Variants in SCN10A observed in about 807,000 individuals in gnomAD.
SCN10A encodes sodium channel protein type 10 subunit alpha.
In SCN10A, 162 loss-of-function variants were observed where a neutral mutation model predicts 170.7. That is an observed-to-expected ratio of 0.95 (90% CI 0.84 to 1.08). The LOEUF is 1.08. SCN10A is among the 50% of genes least tolerant of loss of function. SCN10A has a pLI of 0.00. For synonymous variants in SCN10A, 985 were observed against 904.6 expected (o/e 1.09, Z -1.59); for missense variants, 2,527 against 2,436.9 (o/e 1.04, Z -0.78).
chr3:38,704,978 T>G (rs574313734), intron 26 of SCN10A, among the ~76,000 whole-genome samples: 2 of 152,332 alleles, frequency 1.3e-5, no homozygotes, highest in African/African-American at 4.8e-5. Flanking sequence ...ATTTCTTTCT[T>G]GGTTCTAGAC....
intron 5 of SCN10A, 28 bp from the exon 6 acceptor site, chr3:38,763,624 T>G: frequency 6.4e-7 from 1 of 1,568,052 alleles, no homozygotes; most frequent in South Asian, 1.1e-5. Flanking sequence ...AGTCAGCATC[T>G]CTGCAAGCAA....
At position 38,698,420 on chromosome 3, in the gene SCN10A, G is replaced by A. The variant is rs1484626821; in HGVS notation, c.4800C>T (p.Leu1600=). The A allele has an allele frequency of 1.9e-6, 3 of 1,614,120 alleles. No homozygotes were observed. The highest frequency in any genetic ancestry group is 2.5e-6 in the Non-Finnish European group (3 of 1,180,050). The change falls in exon 28 of 28, where the codon CTC becomes CTT. Residue 1600 remains leucine (L), a synonymous_variant. Transcript: ENST00000449082. ...TGAAGAGGGCAGGCAGGGACATCAT[G>A]AGGGCAAAGAGCAGTGTGCGGATCC... is the stretch of plus-strand genomic sequence containing the variant. The part of the protein sequence containing the change: ...AKGIRTLLFA[L]MMSLPALFNI...
At chr3:38,771,625 A>G (rs2064001772) in intron 4 of SCN10A, among the ~76,000 whole-genome samples, 1 of 152,142 alleles carries the variant, frequency 6.6e-6, no homozygotes, top group Non-Finnish European at 1.5e-5. Flanking sequence ...GTGGGGAGGG[A>G]TGTGTGTGGC....
At chr3:38,736,973 T>TTTTTTTTTTG (rs2063570072) in intron 15 of SCN10A, among the ~76,000 whole-genome samples, 1 of 100,198 alleles carries the variant, frequency 1.0e-5, no homozygotes, top group African/African-American at 4.1e-5. Context: ...GTTTTTTTTT[T>TTTTTTTTTTG]TTTTTTTTTT....
Position 38,723,526 on chromosome 3 carries a change from C to T in SCN10A, c.3256G>A (p.Gly1086Ser), listed in dbSNP as rs755448967. The T allele has an allele frequency of 1.9e-6, 3 of 1,607,632 alleles. No homozygotes were observed. Among genetic ancestry groups the T allele is most frequent in the Admixed American group, 1.7e-5 (1 of 58,776 alleles). The change falls in exon 19 of 28, where the codon GGC becomes AGC. Residue 1086 changes from glycine (G) to serine (S), a missense_variant. Coordinates refer to ENST00000449082, the MANE Select transcript of SCN10A (RefSeq NM_006514.4). ...EGVDDTSSSE[G>S]STVDCLDPEE... ...GGATCTAGGCAGTCCACCGTGCTGC[C>T]CTCAGAGGAGCTTGTGTCGTCCACT...
chr3:38,721,257 A>G, intron 20 of SCN10A, among the ~76,000 whole-genome samples: 1 of 152,236 alleles, frequency 6.6e-6, no homozygotes, highest in East Asian at 1.9e-4. Flanking sequence ...GAGGCGCAAG[A>G]TGAGTGAAAA....
At chr3:38,703,071 G>T (rs186001967) in intron 26 of SCN10A, among the ~76,000 whole-genome samples, 63 of 152,134 alleles carry the variant, frequency 4.1e-4, no homozygotes, top group Non-Finnish European at 7.8e-4. Context: ...TACCTCAGGG[G>T]TTAGGCCTGG....
intron 5 of SCN10A, 43 bp from the exon 6 acceptor site, chr3:38,763,639 C>A (rs73826327): frequency 6.3e-6 from 9 of 1,421,298 alleles, no homozygotes; most frequent in Admixed American, 1.7e-5. Context: ...AAGCAAGGGT[C>A]CTGGGGATGC....
chr3:38,700,769 T>C (rs2063148068), intron 27 of SCN10A, among the ~76,000 whole-genome samples: 2 of 152,242 alleles, frequency 1.3e-5, no homozygotes, highest in Admixed American at 6.5e-5. Context: ...TCAGCTCTTG[T>C]TACTAAATCA....
intron 6 of SCN10A, among the ~76,000 whole-genome samples, chr3:38,762,246 A>G (rs951893828): frequency 6.6e-6 from 1 of 152,190 alleles, no homozygotes; most frequent in African/African-American, 2.4e-5. Context: ...CTGGGAGCTG[A>G]GTGATGGCTA....
intron 4 of SCN10A, among the ~76,000 whole-genome samples, chr3:38,788,527 G>A (rs1032038290): frequency 6.6e-6 from 1 of 150,806 alleles, no homozygotes; most frequent in East Asian, 1.9e-4. Flanking sequence ...TTTTGCTCCT[G>A]TCTCTCTTTC....
intron 16 of SCN10A, among the ~76,000 whole-genome samples, chr3:38,727,260 C>T (rs906335871): frequency 2.0e-5 from 3 of 152,144 alleles, no homozygotes; most frequent in African/African-American, 4.8e-5. Context: ...CCTCAGTGGA[C>T]GAGGCTTGGA....
At chr3:38,808,105 G>T (rs775729356) in intron 1 of SCN10A, among the ~76,000 whole-genome samples, 3 of 152,180 alleles carry the variant, frequency 2.0e-5, no homozygotes, top group South Asian at 4.2e-4. Flanking sequence ...GGCACATAAG[G>T]CCTGGCATGA....
intron 4 of SCN10A, among the ~76,000 whole-genome samples, chr3:38,772,885 A>G (rs879511382): frequency 1.3e-5 from 2 of 152,318 alleles, no homozygotes; most frequent in Admixed American, 1.3e-4. Context: ...AAAGTAAAAC[A>G]CTAATAGGCG....
chr3:38,726,891 C>A lies in SCN10A; in HGVS notation c.2802G>T (p.Arg934Ser), dbSNP rs1422299614. ...TKQALCSFFSRSCPFPQPKAE... is the reference protein window; with the variant it reads ...TKQALCSFFSSSCPFPQPKAE... ...CCTTGGGCTGGGGGAATGGGCAGGA[C>A]CTGCTGAAGAAGCTGCAAAGAGCCT... The change falls in exon 17 of 28, where the codon AGG (arginine) becomes AGT (serine). Residue 934 changes from arginine to serine, a missense_variant. Transcript: ENST00000449082. 8 of 1,614,074 alleles carry A rather than the reference C, an allele frequency of 5.0e-6. No individual in the cohort carries two copies. Among genetic ancestry groups the A allele is most frequent in the Non-Finnish European group, 5.9e-6 (7 of 1,180,046 alleles).
intron 15 of SCN10A, among the ~76,000 whole-genome samples, chr3:38,736,359 C>CTGTG (rs2063560206): frequency 1.1e-5 from 1 of 91,440 alleles, no homozygotes; most frequent in African/African-American, 3.6e-5. Context: ...AATAGGGAAA[C>CTGTG]TCTGTGTGTG....
chr3:38,785,990 G>A (rs1383673662), intron 4 of SCN10A, among the ~76,000 whole-genome samples: 3 of 152,144 alleles, frequency 2.0e-5, no homozygotes, highest in African/African-American at 7.2e-5. Context: ...AGATGCTGGA[G>A]AGGATGTGGA....
intron 19 of SCN10A, 22 bp from the exon 20 acceptor site, chr3:38,722,434 G>T (rs1291092284): frequency 1.2e-6 from 2 of 1,610,222 alleles, no homozygotes; most frequent in African/African-American, 2.7e-5. Context: ...GGTGACTGAT[G>T]GTGGGTGATG....
At chr3:38,752,588 AC>A in intron 11 of SCN10A, 76 bp from the exon 12 acceptor site, 3 of 1,219,402 alleles carry the variant, frequency 2.5e-6, no homozygotes, top group Non-Finnish European at 3.3e-6. Flanking sequence ...ACTTCCCTCT[AC>A]CTACTCCCAT....
Sources: gnomAD v4.1 joint callset for allele counts (sites outside exome capture counted in the v4.1 genomes callset) on GRCh38, gnomAD v4.1.1 for gene constraint, MANE v1.5 for transcripts, NCBI Gene and HGNC (gene_info 2026-07-23, HGNC 2026-07-21) for gene names.